The following CFAP47 variants were observed in gnomAD, a reference collection of about 807,000 sequenced individuals.
CFAP47 encodes the protein cilia and flagella associated protein 47.
A neutral mutation model predicts 148.1 loss-of-function variants in CFAP47; 29 were observed. The ratio of observed to expected loss-of-function variants is 0.20; its 90% CI spans 0.15 to 0.27. The LOEUF (loss-of-function observed/expected upper bound fraction) is 0.27, where lower values mean the gene tolerates loss of function less well. Among genes scored for constraint, CFAP47 ranks in the 10% least tolerant of loss-of-function variants. The pLI is 1.00. For missense variants in CFAP47, 1,872 were observed against 1,697.5 expected (o/e 1.10, Z -1.81); for synonymous variants, 664 against 577.3 (o/e 1.15, Z -2.15).
chrX:36,350,695 T>TA (rs1278953277), intron 59 of CFAP47, among the ~76,000 whole-genome samples: 2 of 108,934 alleles, frequency 1.8e-5, no homozygotes, highest in East Asian at 2.9e-4. Flanking sequence ...TTTATTTATT[T>TA]TTTTTTTTGC....
chrX:36,072,755 A>G (rs765060513), intron 28 of CFAP47, among the ~76,000 whole-genome samples: 11 of 111,645 alleles, frequency 9.9e-5, no homozygotes, highest in Non-Finnish European at 1.7e-4. Flanking sequence ...CTAAACCAAT[A>G]TTGTCTTTGT....
chrX:36,016,701 CTTTT>C (rs1281064323), intron 22 of CFAP47, among the ~76,000 whole-genome samples: 1 of 54,457 alleles, frequency 1.8e-5, no homozygotes, highest in Admixed American at 2.4e-4. Flanking sequence ...TTATGCCAGT[CTTTT>C]TTTTTTTTTT....
intron 52 of CFAP47, among the ~76,000 whole-genome samples, chrX:36,299,703 C>T (rs1424563778): frequency 2.7e-5 from 3 of 111,701 alleles, no homozygotes; most frequent in Non-Finnish European, 5.6e-5. Flanking sequence ...AATCATTATA[C>T]TTTCTGCTTC....
chrX:36,324,958 A>C (rs1303372558), intron 57 of CFAP47, among the ~76,000 whole-genome samples: 1 of 111,540 alleles, frequency 9.0e-6, no homozygotes, highest in East Asian at 2.8e-4. Flanking sequence ...GACTGTTGAT[A>C]TCTATATCTA....
At chrX:35,980,108 C>G (rs1936621993) in intron 15 of CFAP47, among the ~76,000 whole-genome samples, 2 of 111,748 alleles carry the variant, frequency 1.8e-5, no homozygotes, top group Admixed American at 1.9e-4. Flanking sequence ...AGTGATGTCT[C>G]CAGTAAGGAA....
intron 15 of CFAP47, among the ~76,000 whole-genome samples, chrX:35,981,794 A>G (rs1389491043): frequency 8.9e-6 from 1 of 111,914 alleles, no homozygotes; most frequent in Non-Finnish European, 1.9e-5. Flanking sequence ...CTGTTTCTGC[A>G]TCAGTTTGCT....
At chrX:35,950,994 C>G (rs917471192) in intron 4 of CFAP47, 137 bp from the exon 5 acceptor site, 19 of 461,933 alleles carry the variant, frequency 4.1e-5, no homozygotes, top group Admixed American at 4.0e-4. Flanking sequence ...GTGAAAGGAA[C>G]TACTCTTAGG....
At chrX:36,174,863 G>T (rs1470730022) in intron 39 of CFAP47, among the ~76,000 whole-genome samples, 1 of 110,730 alleles carries the variant, frequency 9.0e-6, no homozygotes, top group Non-Finnish European at 1.9e-5. Context: ...GCTAGATTGG[G>T]GAAGTTCTCC....
chrX:36,136,580 A>G (rs1313534842), intron 33 of CFAP47, among the ~76,000 whole-genome samples: 1 of 111,386 alleles, frequency 9.0e-6, no homozygotes, highest in Admixed American at 9.6e-5. Context: ...GTAAGAGAGT[A>G]CATCTTAGGT....
intron 3 of CFAP47, among the ~76,000 whole-genome samples, chrX:35,943,550 A>G (rs1358325002): frequency 9.0e-6 from 1 of 111,352 alleles, no homozygotes; most frequent in Non-Finnish European, 1.9e-5. Context: ...CTTTATAGAA[A>G]TGGTTCCCAA....
In CFAP47 at chrX:36,170,288, T is replaced by A. The variant is rs1939551962; in HGVS notation, c.6027-9057T>A. On this transcript the variant is annotated intron_variant, in intron 39 of 63. Transcript: ENST00000378653. ...GGGATAAATGTATGGTGGTTCTTTT[T>A]ATTTATTTATTTATTCATTATTATT... Among the ~76,000 whole-genome samples the A allele has an allele frequency of 3.6e-5, 4 of 111,908 alleles. No individual in the cohort carries two copies. In the South Asian group the frequency reaches 1.5e-3, roughly 42 times the overall value.
At chrX:35,991,791 G>C (rs745718194) in intron 16 of CFAP47, 30 bp from the exon 17 acceptor site, 1 of 291,932 alleles carries the variant, frequency 3.4e-6, no homozygotes, top group East Asian at 4.8e-5. Context: ...TAATTCAATT[G>C]TGTTTTTTCT....
chrX:36,230,687 C>T (rs1363798140), intron 46 of CFAP47, among the ~76,000 whole-genome samples: 19 of 109,744 alleles, frequency 1.7e-4, no homozygotes, highest in African/African-American at 3.0e-4. Context: ...TCCTTGCCCA[C>T]GCCTATGTCC....
chrX:36,134,544 T>G (rs140382260), intron 33 of CFAP47, among the ~76,000 whole-genome samples: 3,252 of 110,639 alleles, frequency 0.029, 41 homozygotes, highest in Non-Finnish European at 0.044. Context: ...AGGCTAGTGT[T>G]TTCAACAAAT....
At chrX:35,955,823 CAAT>C in intron 7 of CFAP47, 135 bp from the exon 8 acceptor site, 1 of 917,569 alleles carries the variant, frequency 1.1e-6, no homozygotes, top group Non-Finnish European at 1.5e-6. Flanking sequence ...AGAAGACACT[CAAT>C]AATTGTGTTG....
rs185374957 is a variant in CFAP47, at chrX:36,188,636, A to G, written c.6121A>G (p.Ser2041Gly). 15 of 295,806 alleles carry G rather than the reference A, an allele frequency of 5.1e-5. No individual in the cohort carries two copies. Among genetic ancestry groups the G allele is most frequent in the African/African-American group, 3.8e-4 (14 of 36,438 alleles). The allele number at this position is 295,806 out of a possible 1,213,427, so 24.4% of individuals were successfully genotyped here. Residue 2041 changes from serine to glycine, a missense_variant, in exon 41 of 64, where the codon AGT becomes GGT. Ser to Gly is a moderately conservative substitution (Grantham distance 56). Coordinates refer to ENST00000378653, the MANE Select transcript of CFAP47 (RefSeq NM_001304548.2). ...YPKHDDDMSSSGSDTDQGCSD... is the reference protein window; with the variant it reads ...YPKHDDDMSSGGSDTDQGCSD... ...TTGTGTCAGTGATGATATGAGTAGC[A>G]GTGGGAGTGACACTGATCAGGGCTG...
At chrX:36,239,321 T>A (rs1940511970) in intron 48 of CFAP47, among the ~76,000 whole-genome samples, 1 of 112,364 alleles carries the variant, frequency 8.9e-6, no homozygotes, top group Non-Finnish European at 1.9e-5. Context: ...CTTGAAATAA[T>A]CTAAGAAGTA....
chrX:36,205,505 G>A (rs1940029937), intron 45 of CFAP47, among the ~76,000 whole-genome samples: 1 of 111,459 alleles, frequency 9.0e-6, no homozygotes, highest in Non-Finnish European at 1.9e-5. Flanking sequence ...AAGGAAAAAT[G>A]TTGATGGCTA....
chrX:36,111,729 A>C (rs1938558342), intron 33 of CFAP47, among the ~76,000 whole-genome samples: 1 of 111,171 alleles, frequency 9.0e-6, no homozygotes, highest in Non-Finnish European at 1.9e-5. Context: ...CTGTGAATCC[A>C]TTTGGTCCTG....
Sources: allele counts gnomAD v4.1 joint callset (sites outside exome capture counted in the v4.1 genomes callset), GRCh38; gene constraint gnomAD v4.1.1; transcripts MANE v1.5; gene names NCBI Gene and HGNC (gene_info 2026-07-23, HGNC 2026-07-21).